UNC5C: variants seen among roughly 807,000 people sequenced by gnomAD.
UNC5C encodes the protein netrin receptor UNC5C.
In UNC5C, 47 loss-of-function variants were observed where a neutral mutation model predicts 99.8. That is an observed-to-expected ratio of 0.47 (90% CI 0.37 to 0.60). The LOEUF is 0.60. UNC5C is among the 20% of genes least tolerant of loss of function. The probability of loss-of-function intolerance (pLI) is 0.00; values close to 1 mark genes in which losing one functional copy is unlikely to be tolerated. For missense variants in UNC5C, 1,062 were observed against 1,165.9 expected (o/e 0.91, Z 1.30); for synonymous variants, 487 against 452.2 (o/e 1.08, Z -0.98).
intron 1 of UNC5C, among the ~76,000 whole-genome samples, chr4:95,429,830 G>T (rs1187657291): frequency 6.6e-6 from 1 of 152,042 alleles, no homozygotes; most frequent in Non-Finnish European, 1.5e-5. Flanking sequence ...GAAAAACTCA[G>T]AGCAAATGAG....
chr4:95,514,244 A>G (rs1435459876), intron 1 of UNC5C, among the ~76,000 whole-genome samples: 1 of 152,194 alleles, frequency 6.6e-6, no homozygotes, highest in Non-Finnish European at 1.5e-5. Context: ...ATAGTAACAA[A>G]ATTTGTATTT....
chr4:95,470,035 C>G (rs972608434), intron 1 of UNC5C, among the ~76,000 whole-genome samples: 8 of 152,046 alleles, frequency 5.3e-5, no homozygotes, highest in African/African-American at 1.9e-4. Flanking sequence ...GTTTACATTT[C>G]TTTGGATTGC....
At chr4:95,482,156 T>G (rs1361747596) in intron 1 of UNC5C, among the ~76,000 whole-genome samples, 1 of 151,442 alleles carries the variant, frequency 6.6e-6, no homozygotes. Flanking sequence ...TCAAACAAAT[T>G]TACAAGAAAA....
intron 1 of UNC5C, among the ~76,000 whole-genome samples, chr4:95,337,283 C>A (rs1743387925): frequency 6.6e-6 from 1 of 151,854 alleles, no homozygotes; most frequent in African/African-American, 2.4e-5. Flanking sequence ...TATTTAATAA[C>A]TATTTATTTA....
chr4:95,170,814 A>G (rs960074609), intron 14 of UNC5C, among the ~76,000 whole-genome samples: 8 of 152,366 alleles, frequency 5.3e-5, no homozygotes, highest in Middle Eastern at 3.4e-3. Flanking sequence ...TAGTTCTGCT[A>G]AACTCCACAG....
intron 3 of UNC5C, among the ~76,000 whole-genome samples, chr4:95,290,261 C>G (rs1451233692): frequency 1.3e-5 from 2 of 151,896 alleles, no homozygotes; most frequent in South Asian, 2.1e-4. Context: ...GAACTATGCT[C>G]ATGCCACTGC....
At chr4:95,233,698 G>A (rs1738996093) in intron 7 of UNC5C, among the ~76,000 whole-genome samples, 2 of 152,200 alleles carry the variant, frequency 1.3e-5, no homozygotes, top group African/African-American at 2.4e-5. Context: ...CACTTTGGGA[G>A]GCTGAGGTGG....
chr4:95,247,056 A>G (rs1739529025), intron 5 of UNC5C, among the ~76,000 whole-genome samples: 1 of 152,072 alleles, frequency 6.6e-6, no homozygotes, highest in Non-Finnish European at 1.5e-5. Context: ...AAAATAAAAA[A>G]AAAAGAAAGA....
chr4:95,273,755 A>G (rs1481009762), intron 4 of UNC5C, among the ~76,000 whole-genome samples: 1 of 152,006 alleles, frequency 6.6e-6, no homozygotes, highest in Non-Finnish European at 1.5e-5. Flanking sequence ...TTTATATATT[A>G]TTATTGACAC....
intron 12 of UNC5C, among the ~76,000 whole-genome samples, chr4:95,190,822 G>T (rs558851674): frequency 3.1e-4 from 47 of 152,334 alleles, no homozygotes; most frequent in South Asian, 1.9e-3. Flanking sequence ...CCCACTGCGG[G>T]CGCTGCCTCC....
At chr4:95,265,504 G>T (rs754366200) in intron 4 of UNC5C, among the ~76,000 whole-genome samples, 1 of 152,118 alleles carries the variant, frequency 6.6e-6, no homozygotes, top group African/African-American at 2.4e-5. Context: ...TATGAAGTGT[G>T]TATAAATAAT....
At chr4:95,300,164 A>G (rs1369184473) in intron 3 of UNC5C, among the ~76,000 whole-genome samples, 2 of 152,240 alleles carry the variant, frequency 1.3e-5, no homozygotes, top group Non-Finnish European at 2.9e-5. Context: ...TTTCTCATGT[A>G]TGAGAACATT....
intron 4 of UNC5C, among the ~76,000 whole-genome samples, chr4:95,270,417 A>T (rs1017558589): frequency 8.2e-6 from 1 of 122,234 alleles, no homozygotes; most frequent in African/African-American, 2.5e-5. Context: ...ATCTTTAGAC[A>T]ATGGTAAAAA....
At chr4:95,538,719 GT>G (rs1722840188) in intron 1 of UNC5C, among the ~76,000 whole-genome samples, 1 of 152,052 alleles carries the variant, frequency 6.6e-6, no homozygotes, top group African/African-American at 2.4e-5. Flanking sequence ...ATATGGGAAT[GT>G]ATGACAATAA....
intron 7 of UNC5C, among the ~76,000 whole-genome samples, chr4:95,236,577 TATA>T (rs1360505070): frequency 2.1e-5 from 3 of 146,128 alleles, no homozygotes; most frequent in Non-Finnish European, 4.5e-5. Context: ...GAACTTAAAG[TATA>T]ATAATAAAAA....
intron 3 of UNC5C, among the ~76,000 whole-genome samples, chr4:95,290,098 G>A (rs554365438): frequency 6.6e-6 from 1 of 152,146 alleles, no homozygotes; most frequent in South Asian, 2.1e-4. Context: ...AGGCCAGGGA[G>A]TTTGGAATCA....
At chr4:95,285,130 T>G (rs1242143004) in intron 3 of UNC5C, among the ~76,000 whole-genome samples, 1 of 152,252 alleles carries the variant, frequency 6.6e-6, no homozygotes, top group Admixed American at 6.5e-5. Context: ...ATTAAATATT[T>G]ATTATCTCAC....
At chr4:95,195,405 A>T (rs1025443232) in intron 12 of UNC5C, among the ~76,000 whole-genome samples, 1 of 152,198 alleles carries the variant, frequency 6.6e-6, no homozygotes, top group Non-Finnish European at 1.5e-5. Context: ...CATGTTGCAC[A>T]TGTGAATATA....
intron 1 of UNC5C, among the ~76,000 whole-genome samples, chr4:95,354,479 A>ATATTTTTTTT: frequency 3.6e-5 from 4 of 110,350 alleles, no homozygotes; most frequent in East Asian, 2.1e-4. Context: ...ATATATATAT[A>ATATTTTTTTT]TTTTTTTTTT....
Sources: gnomAD v4.1 joint callset for allele counts (sites outside exome capture counted in the v4.1 genomes callset) on GRCh38, gnomAD v4.1.1 for gene constraint, MANE v1.5 for transcripts, NCBI Gene and HGNC (gene_info 2026-07-23, HGNC 2026-07-21) for gene names.